Variants in GPR108 observed in about 807,000 individuals in gnomAD.
GPR108 encodes the protein G protein-coupled receptor 108.
Under a neutral mutation model 74.3 loss-of-function variants are expected in GPR108, and 60 were observed. That is an observed-to-expected ratio of 0.81 (90% CI 0.66 to 1.00). GPR108 has a LOEUF of 1.00. Among genes scored for constraint, GPR108 ranks in the 50% least tolerant of loss-of-function variants. The pLI is 0.00. For synonymous variants in GPR108, 311 were observed against 292.4 expected, an observed-to-expected ratio of 1.06 and a Z score of -0.65; for missense variants, 667 against 703.3, an observed-to-expected ratio of 0.95 and a Z score of 0.58.
chr19:6,732,012 G>T lies in GPR108; in HGVS notation c.1256+13C>A. The T allele has an allele frequency of 3.1e-6, 5 of 1,613,748 alleles. No individual in the cohort carries two copies. The highest frequency in any genetic ancestry group is 4.2e-6 in the Non-Finnish European group (5 of 1,179,966). ...CACAGGGCAGAGCCTCAGCCCGGGG[G>T]CAGGGTCCTCACCAGACTACGGGGA... On this transcript the variant is annotated intron_variant, in intron 13 of 17. Coordinates refer to ENST00000264080, the MANE Select transcript of GPR108 (RefSeq NM_001080452.2).
Position 6,733,868 on chromosome 19 carries a change from G to T in GPR108, c.595C>A (p.Leu199Ile), listed in dbSNP as rs113924576. Residue 199 changes from leucine (L) to isoleucine (I), a missense_variant, in exon 7 of 18, where the codon CTC (leucine) becomes ATC (isoleucine). Coordinates refer to ENST00000264080, the MANE Select transcript of GPR108 (RefSeq NM_001080452.2). ...DKDLVLGLSH[L>I]NNSYNFSFHV... ...ACACTGAAGTTGTAGGAGTTGTTGA[G>T]GTGGCTCAGGCCCAACACCAGGTCC... The T allele has an allele frequency of 6.2e-6, 10 of 1,614,132 alleles. No individual in the cohort carries two copies. The highest frequency in any genetic ancestry group is 5.3e-5 in the African/African-American group (4 of 75,042).
intron 17 of GPR108, chr19:6,730,688 AACT>A (rs1968357955): frequency 2.1e-6 from 1 of 474,832 alleles, no homozygotes; most frequent in Non-Finnish European, 3.8e-6. Flanking sequence ...GTTCTACCCG[AACT>A]ACCTAGGCCC....
At chr19:6,731,432 G>A (rs994734483) in intron 15 of GPR108, 41 bp downstream of exon 15, 23 of 1,517,182 alleles carry the variant, frequency 1.5e-5, no homozygotes, top group Non-Finnish European at 1.9e-5. Flanking sequence ...CAGCAGGCCG[G>A]TAATCCCCCC....
chr19:6,734,073 T>C lies in GPR108; in HGVS notation c.500-19A>G. The C allele has an allele frequency of 6.2e-7, 1 of 1,613,958 alleles. No homozygotes were observed. Among genetic ancestry groups the C allele is most frequent in the South Asian group, 1.1e-5 (1 of 91,076 alleles). The stretch of plus-strand genomic sequence containing the variant: ...GTCCCTCCTGTAAGAGACCGGGCAG[T>C]GATTTTAAGAGATGGATGGATGGAT... On this transcript the variant is annotated intron_variant, in intron 5 of 17. Coordinates refer to ENST00000264080, the MANE Select transcript of GPR108 (RefSeq NM_001080452.2).
intron 4 of GPR108, among the ~76,000 whole-genome samples, chr19:6,734,891 A>G (rs1217520129): frequency 4.0e-5 from 5 of 125,728 alleles, no homozygotes; most frequent in Admixed American, 7.6e-5. Context: ...TATTATTATT[A>G]TTATTTTGAG....
chr19:6,730,878 G>T, intron 17 of GPR108, 109 bp downstream of exon 17: 1 of 1,187,216 alleles, frequency 8.4e-7, no homozygotes, highest in South Asian at 1.4e-5. Flanking sequence ...CCCTAACACT[G>T]CCCCCAGGGC....
chr19:6,734,467 G>T (rs535083334), intron 4 of GPR108, among the ~76,000 whole-genome samples, 160 bp from the exon 5 acceptor site: 9 of 152,292 alleles, frequency 5.9e-5, no homozygotes, highest in African/African-American at 1.9e-4. Flanking sequence ...GGTTCCCACC[G>T]GTCAAGGAGG....
chr19:6,736,238 G>T (rs1170635781), intron 2 of GPR108, among the ~76,000 whole-genome samples: 1 of 152,146 alleles, frequency 6.6e-6, no homozygotes, highest in Non-Finnish European at 1.5e-5. Context: ...GGGACTACAG[G>T]CACACCTCAC....
rs117071236 is a variant in GPR108, at chr19:6,732,732, C to T, written c.934-183G>A. On this transcript the variant is annotated intron_variant, in intron 10 of 17. Coordinates refer to ENST00000264080, the MANE Select transcript of GPR108 (RefSeq NM_001080452.2). Reference sequence around the variant, plus strand: ...GCTGAAAAAATGGAGGGAACAGTCACAGCTGAAGGGGTGAATAGTTGGACA... The same window carrying T: ...GCTGAAAAAATGGAGGGAACAGTCATAGCTGAAGGGGTGAATAGTTGGACA... 5.6e-3 allele frequency: 3,742 copies of T among 670,478 alleles called. 19 individuals are homozygous for T. Among genetic ancestry groups the T allele is most frequent in the Non-Finnish European group, 8.3e-3 (3,109 of 374,276 alleles). The allele number at this position is 670,478 out of a possible 1,614,324, so 41.5% of individuals were successfully genotyped here.
intron 15 of GPR108, 91 bp from the exon 16 acceptor site, chr19:6,731,373 G>T: frequency 6.7e-7 from 1 of 1,485,848 alleles, no homozygotes; most frequent in Non-Finnish European, 9.0e-7. Context: ...GGGGAGCCTG[G>T]ATGGGGGCCT....
chr19:6,732,737 G>C (rs1824184798), intron 10 of GPR108, 188 bp from the exon 11 acceptor site: 1 of 666,092 alleles, frequency 1.5e-6, no homozygotes, highest in African/African-American at 1.8e-5. Flanking sequence ...AGTCACAGCT[G>C]AAGGGGTGAA....
intron 1 of GPR108, chr19:6,737,104 A>G (rs1339781963): frequency 2.6e-6 from 1 of 381,514 alleles, no homozygotes; most frequent in Non-Finnish European, 4.8e-6. Flanking sequence ...ACCCCACTCT[A>G]TAGCCCCCCA....
Position 6,731,201 on chromosome 19 carries a change from G to A in GPR108, c.1432C>T (p.Gln478Ter). 2 of 1,588,256 alleles carry A rather than the reference G, an allele frequency of 1.3e-6. No individual in the cohort carries two copies. Among genetic ancestry groups the A allele is most frequent in the East Asian group, 4.5e-5 (2 of 44,476 alleles). ...TCCCACCTGGGCCTCGGGCTCACCTGGTACAGCCACTGCCACTGAAAGGGC... is the reference window on the plus strand; with the variant it reads ...TCCCACCTGGGCCTCGGGCTCACCTAGTACAGCCACTGCCACTGAAAGGGC... ...AVPFQWQWLY[Q>*]LLVEGSTLAF... Residue 478 changes from glutamine to a stop codon, truncating the protein, a stop_gained and splice_region_variant, in exon 16 of 18, where the codon CAG becomes TAG. Transcript: ENST00000264080. LOFTEE classifies it high-confidence loss of function.
chr19:6,734,656 C>T (rs1004910414), intron 4 of GPR108, among the ~76,000 whole-genome samples: 1 of 152,136 alleles, frequency 6.6e-6, no homozygotes, highest in Admixed American at 6.6e-5. Context: ...ATCCTCCCAC[C>T]TCAGCCACAG....
Position 6,733,253 on chromosome 19 carries a change from T to C in GPR108, c.772A>G (p.Met258Val), listed in dbSNP as rs1968495460. 6.2e-7 allele frequency: 1 copy of C among 1,613,804 alleles called. No individual in the cohort carries two copies. Among genetic ancestry groups the C allele is most frequent in the South Asian group, 1.1e-5 (1 of 91,076 alleles). Reference sequence around the variant, plus strand: ...ACCATGTAGAGCTTGAAAAGGGGCATCTCCGCTGCCGACAGGAAGCCATCG... The same window carrying C: ...ACCATGTAGAGCTTGAAAAGGGGCACCTCCGCTGCCGACAGGAAGCCATCG... ...NPDGFLSAAE[M>V]PLFKLYMVMS... The change falls in exon 9 of 18, where the codon ATG becomes GTG. Residue 258 changes from methionine (M) to valine (V), a missense_variant. Coordinates refer to ENST00000264080, the MANE Select transcript of GPR108 (RefSeq NM_001080452.2).
Position 6,732,109 on chromosome 19 carries a change from C to G in GPR108, c.1172G>C (p.Gly391Ala). ...CTTCCACAGCACGTAGTCGCTGGCGCCTTCCTCGCGGGACTCGATGATGAT... is the reference window on the plus strand; with the variant it reads ...CTTCCACAGCACGTAGTCGCTGGCGGCTTCCTCGCGGGACTCGATGATGAT... ...AYIIIESREE[G>A]ASDYVLWKEI... Residue 391 changes from glycine (G) to alanine (A), a missense_variant, in exon 13 of 18, where the codon GGC (glycine) becomes GCC (alanine). Transcript: ENST00000264080. 6.2e-7 allele frequency: 1 copy of G among 1,613,928 alleles called. No individual in the cohort carries two copies.
At chr19:6,734,911 TG>T (rs1290854159) in intron 4 of GPR108, among the ~76,000 whole-genome samples, 1 of 150,782 alleles carries the variant, frequency 6.6e-6, no homozygotes, top group Non-Finnish European at 1.5e-5. Flanking sequence ...GACAGGCTCT[TG>T]ATCTGTCGTC....
chr19:6,731,891 C>G lies in GPR108; in HGVS notation c.1300G>C (p.Val434Leu). 6.2e-7 allele frequency: 1 copy of G among 1,612,022 alleles called. No individual in the cohort carries two copies. The highest frequency in any genetic ancestry group is 8.5e-7 in the Non-Finnish European group (1 of 1,179,544). ...AGGGCCTGCAGGCGCAGGGCCTCAC[C>G]CTTCCCGTCTGTGCCAGACGCATCC... ...LQDASGTDGK[V>L]AVNLAKLKLF... The change falls in exon 14 of 18, where the codon GTG becomes CTG. Residue 434 changes from valine (V) to leucine (L), a missense_variant and splice_region_variant. Coordinates refer to ENST00000264080, the MANE Select transcript of GPR108 (RefSeq NM_001080452.2).
intron 16 of GPR108, 39 bp from the exon 17 acceptor site, chr19:6,731,150 C>T: frequency 6.2e-7 from 1 of 1,609,008 alleles, no homozygotes; most frequent in East Asian, 2.2e-5. Context: ...AGGCGCACCC[C>T]CACCCCCACC....
Sources: gnomAD v4.1 joint callset for allele counts (sites outside exome capture counted in the v4.1 genomes callset) on GRCh38, gnomAD v4.1.1 for gene constraint, MANE v1.5 for transcripts, NCBI Gene and HGNC (gene_info 2026-07-23, HGNC 2026-07-21) for gene names.